CSMD2: variants seen among roughly 807,000 people sequenced by gnomAD.
CSMD2 encodes the protein CUB and Sushi multiple domains 2.
Under a neutral mutation model 398.5 loss-of-function variants are expected in CSMD2, and 130 were observed. That is an observed-to-expected ratio of 0.33 (90% CI 0.28 to 0.38). CSMD2 has a LOEUF of 0.38. Among genes scored for constraint, CSMD2 ranks in the 10% least tolerant of loss-of-function variants. The pLI is 1.00. For synonymous variants in CSMD2, 1,828 were observed against 1,908.5 expected, an observed-to-expected ratio of 0.96 and a Z score of 1.10; for missense variants, 3,829 against 4,764.9, an observed-to-expected ratio of 0.80 and a Z score of 5.78.
chr1:33,641,047 GC>G (rs1167770417), intron 29 of CSMD2, among the ~76,000 whole-genome samples: 1 of 152,048 alleles, frequency 6.6e-6, no homozygotes, highest in Non-Finnish European at 1.5e-5. Flanking sequence ...AACGCCCCTG[GC>G]CCCCACTCTG....
At chr1:33,840,893 CCACAGGATGCCTGAAG>C (rs1428208900) in intron 6 of CSMD2, among the ~76,000 whole-genome samples, 1 of 152,180 alleles carries the variant, frequency 6.6e-6, no homozygotes, top group African/African-American at 2.4e-5. Context: ...AGAACATGGA[CCACAGGATGCCTGAAG>C]CACTTTCATT....
chr1:33,900,430 T>C (rs1642672660), intron 5 of CSMD2, among the ~76,000 whole-genome samples: 1 of 152,216 alleles, frequency 6.6e-6, no homozygotes, highest in African/African-American at 2.4e-5. Flanking sequence ...GGACACTTAC[T>C]AGCTATATTA....
intron 5 of CSMD2, among the ~76,000 whole-genome samples, chr1:33,874,830 C>G (rs769659841): frequency 6.6e-6 from 1 of 152,192 alleles, no homozygotes; most frequent in Non-Finnish European, 1.5e-5. Flanking sequence ...CGAACAGATG[C>G]GGCTCTGTAT....
chr1:33,927,443 G>A (rs1644165205), intron 4 of CSMD2, among the ~76,000 whole-genome samples: 2 of 152,154 alleles, frequency 1.3e-5, no homozygotes, highest in Non-Finnish European at 2.9e-5. Context: ...TTATGGGCCA[G>A]GCATTGTGCA....
intron 1 of CSMD2, among the ~76,000 whole-genome samples, chr1:34,142,871 T>C (rs897175051): frequency 6.6e-6 from 1 of 152,196 alleles, no homozygotes; most frequent in African/African-American, 2.4e-5. Flanking sequence ...ATGAAGATGA[T>C]ATTATCAGTG....
chr1:33,821,485 G>A (rs7525093), intron 7 of CSMD2, among the ~76,000 whole-genome samples: 5,647 of 152,186 alleles, frequency 0.037, 372 homozygotes, highest in African/African-American at 0.13. Flanking sequence ...CCAATCCCAT[G>A]ACCCCAACAG....
intron 41 of CSMD2, among the ~76,000 whole-genome samples, chr1:33,606,392 A>C (rs1640611689): frequency 1.3e-5 from 2 of 152,262 alleles, no homozygotes; most frequent in African/African-American, 4.8e-5. Context: ...GATCTTGAAG[A>C]TAACATTTCC....
At chr1:33,549,962 C>T (rs1042283819) in intron 56 of CSMD2, among the ~76,000 whole-genome samples, 1 of 152,174 alleles carries the variant, frequency 6.6e-6, no homozygotes, top group Non-Finnish European at 1.5e-5. Flanking sequence ...ATGGTCAGGG[C>T]TGACTGAGGG....
At chr1:33,577,707 A>C (rs1052972007) in intron 48 of CSMD2, among the ~76,000 whole-genome samples, 1 of 152,176 alleles carries the variant, frequency 6.6e-6, no homozygotes, top group Non-Finnish European at 1.5e-5. Flanking sequence ...CAAAACAAAA[A>C]AAACCAGCTT....
intron 10 of CSMD2, among the ~76,000 whole-genome samples, chr1:33,798,136 C>T (rs1294433108): frequency 2.0e-5 from 3 of 152,106 alleles, no homozygotes; most frequent in Non-Finnish European, 4.4e-5. Flanking sequence ...AAGACAGGCT[C>T]CTATAATGAC....
chr1:33,545,334 T>C (rs1656774532), intron 57 of CSMD2, among the ~76,000 whole-genome samples: 1 of 152,232 alleles, frequency 6.6e-6, no homozygotes, highest in Non-Finnish European at 1.5e-5. Context: ...ATTTCTCCCA[T>C]TGGTGCTACC....
intron 13 of CSMD2, chr1:33,772,274 G>C (rs1651381233): frequency 3.7e-6 from 1 of 266,816 alleles, no homozygotes; most frequent in South Asian, 9.2e-5. Flanking sequence ...GTCTGAGCCT[G>C]GTGGGCTTTG....
At chr1:33,856,288 T>C (rs1442564717) in intron 5 of CSMD2, among the ~76,000 whole-genome samples, 1 of 152,154 alleles carries the variant, frequency 6.6e-6, no homozygotes, top group Non-Finnish European at 1.5e-5. Flanking sequence ...TCTACTCTGG[T>C]GATAGAGCAG....
chr1:33,956,070 A>G (rs959481000), intron 3 of CSMD2, among the ~76,000 whole-genome samples: 8 of 152,158 alleles, frequency 5.3e-5, no homozygotes, highest in African/African-American at 1.9e-4. Context: ...CCTTTTACCA[A>G]CTATGAGATC....
In CSMD2 at chr1:34,163,332, G is replaced by T. The variant is rs1401332015; in HGVS notation, c.187+1579C>A. On this transcript the variant is annotated intron_variant, in intron 1 of 70. Transcript: ENST00000373381. The surrounding 1 kb of genome is among the most constrained non-coding windows in gnomAD (Gnocchi z 5.4). Reference sequence around the variant, plus strand: ...GTGCGAGAGGCCAGAGCTCCCAGGCGCGCGCACCGCGGGCGCCCCTCTCTG... The same window carrying T: ...GTGCGAGAGGCCAGAGCTCCCAGGCTCGCGCACCGCGGGCGCCCCTCTCTG... Among the ~76,000 whole-genome samples the T allele has an allele frequency of 6.6e-6, 1 of 152,152 alleles. No individual in the cohort carries two copies. The highest frequency in any genetic ancestry group is 1.9e-4 in the East Asian group (1 of 5,162).
chr1:33,579,359 G>A (rs148807239), intron 48 of CSMD2, among the ~76,000 whole-genome samples: 1 of 152,268 alleles, frequency 6.6e-6, no homozygotes, highest in East Asian at 1.9e-4. Context: ...AGGTGAGAGA[G>A]CTGGTCACTG....
At chr1:33,594,455 T>G (rs1403309472) in intron 44 of CSMD2, among the ~76,000 whole-genome samples, 3 of 152,212 alleles carry the variant, frequency 2.0e-5, no homozygotes, top group African/African-American at 7.2e-5. Flanking sequence ...TCTTGTAGAT[T>G]TCCCCTACTC....
At chr1:34,120,921 C>A (rs1662116336) in intron 1 of CSMD2, among the ~76,000 whole-genome samples, 1 of 152,192 alleles carries the variant, frequency 6.6e-6, no homozygotes. Context: ...CCCAGCGAGG[C>A]ATTTCCAACC....
chr1:33,623,589 A>G (rs1300871962), intron 35 of CSMD2, 123 bp from the exon 36 acceptor site: 26 of 706,966 alleles, frequency 3.7e-5, no homozygotes, highest in Admixed American at 6.3e-5. Flanking sequence ...TGGGCCTAAC[A>G]CTGTGCTAGT....
Sources: allele counts gnomAD v4.1 joint callset (sites outside exome capture counted in the v4.1 genomes callset), GRCh38; gene constraint gnomAD v4.1.1; non-coding constraint Gnocchi (gnomAD v3.1); transcripts MANE v1.5; gene names NCBI Gene and HGNC (gene_info 2026-07-23, HGNC 2026-07-21).